The following DOK7 variants were observed in gnomAD, a reference collection of about 807,000 sequenced individuals.
The protein encoded by DOK7 is docking protein 7.
DOK7 carries 32 observed loss-of-function variants against 30.7 expected under a neutral mutation model. The ratio of observed to expected loss-of-function variants is 1.04; its 90% CI spans 0.79 to 1.40. The LOEUF (loss-of-function observed/expected upper bound fraction) is 1.40. Ranked by LOEUF, DOK7 falls within the 40% of genes most tolerant of loss-of-function variation. DOK7 has a pLI of 0.00. For missense variants in DOK7, 1,007 were observed against 699.2 expected (o/e 1.44, Z -4.97); for synonymous variants, 447 against 324.1 (o/e 1.38, Z -4.07).
chr4:3,496,915 T>C (rs1553851206), downstream of DOK7: 7 of 1,164,376 alleles, frequency 6.0e-6, no homozygotes, highest in South Asian at 5.7e-5. Context: ...GGCGGGAGTC[T>C]GGGTGGGCGC....
At chr4:3,481,803 G>A (rs1050811013) in intron 4 of DOK7, among the ~76,000 whole-genome samples, 2 of 152,194 alleles carry the variant, frequency 1.3e-5, no homozygotes, top group Non-Finnish European at 2.9e-5. Context: ...GATCTAATTG[G>A]CTCATTAAAT....
intron 2 of DOK7, among the ~76,000 whole-genome samples, chr4:3,464,851 G>A (rs1726183750): frequency 6.6e-6 from 1 of 152,214 alleles, no homozygotes; most frequent in Non-Finnish European, 1.5e-5. Flanking sequence ...CGGCCGGTGA[G>A]TGCCTGAGTG....
intron 6 of DOK7, among the ~76,000 whole-genome samples, chr4:3,491,289 CCCCCCGCT>C (rs1242452367): frequency 1.2e-5 from 1 of 86,300 alleles, no homozygotes; most frequent in Non-Finnish European, 2.4e-5. Context: ...CTTCCTCCGC[CCCCCCGCT>C]CATTCATTCC....
At chr4:3,500,483 C>T in intron 7 of DOK7, 2 of 1,507,884 alleles carry the variant, frequency 1.3e-6, no homozygotes, top group South Asian at 1.2e-5. Context: ...CCCAGCCCCA[C>T]CCAGCAGCCC....
At chr4:3,464,876 T>C (rs2109315106) in intron 2 of DOK7, among the ~76,000 whole-genome samples, 1 of 152,280 alleles carries the variant, frequency 6.6e-6, no homozygotes, top group East Asian at 1.9e-4. Flanking sequence ...GACAGGAGTT[T>C]GCAATGGGTC....
At chr4:3,471,862 T>C (rs1432126119) in intron 2 of DOK7, among the ~76,000 whole-genome samples, 1 of 152,242 alleles carries the variant, frequency 6.6e-6, no homozygotes, top group Non-Finnish European at 1.5e-5. Flanking sequence ...TTTTTCTAGC[T>C]GTAAACGTTT....
At chr4:3,487,684 G>A (rs747740323) in intron 5 of DOK7, among the ~76,000 whole-genome samples, 16 of 152,322 alleles carry the variant, frequency 1.1e-4, no homozygotes, top group Admixed American at 2.6e-4. Context: ...CTCAGGGGGC[G>A]TGTGGTGGAG....
chr4:3,463,669 C>G, intron 2 of DOK7, 118 bp downstream of exon 2: 1 of 1,335,950 alleles, frequency 7.5e-7, no homozygotes, highest in Non-Finnish European at 1.0e-6. Flanking sequence ...CCGGGAAACC[C>G]GAGAGCCCCG....
rs775604699 is a variant in DOK7, at chr4:3,463,371, A to G, written c.-5A>G. Reference sequence around the variant, plus strand: ...GAGCGCGGCGGCGCGGAACCATGACAGAAGATGACCGAGGCGGCGCTGGTG... The same window carrying G: ...GAGCGCGGCGGCGCGGAACCATGACGGAAGATGACCGAGGCGGCGCTGGTG... On this transcript the variant is annotated 5_prime_UTR_variant, in exon 1 of 7. Transcript: ENST00000340083. The G allele has an allele frequency of 4.7e-6, 7 of 1,483,268 alleles. No individual in the cohort carries two copies. The highest frequency in any genetic ancestry group is 6.2e-6 in the Non-Finnish European group (7 of 1,130,012). The allele number at this position is 1,483,268 out of a possible 1,614,324, so 91.9% of individuals were successfully genotyped here.
At chr4:3,486,988 G>A (rs1192132420) in intron 5 of DOK7, among the ~76,000 whole-genome samples, 4 of 152,112 alleles carry the variant, frequency 2.6e-5, no homozygotes, top group Non-Finnish European at 5.9e-5. Flanking sequence ...GTTTGCCTGG[G>A]ACAGCCACTA....
At position 3,491,256 on chromosome 4, in the gene DOK7, CTCATTCATTCCT is replaced by C. The variant is rs1262304170; in HGVS notation, c.772+1475_773-1477del. Among the ~76,000 whole-genome samples, 79 of 123,132 alleles carry C rather than the reference CTCATTCATTCCT, an allele frequency of 6.4e-4. No homozygotes were observed. In the South Asian group the frequency reaches 7.6e-3, roughly 12 times the overall value. The allele number at this position is 123,132 out of a possible 152,430, so 80.8% of individuals were successfully genotyped here. A position where few individuals can be genotyped will look rare whatever the true frequency, so the allele number is the denominator to read the frequency against. On this transcript the variant is annotated intron_variant, in intron 6 of 6. Coordinates refer to ENST00000340083, the MANE Select transcript of DOK7 (RefSeq NM_173660.5). ...TGCTCTTTCATTCCTTCTCCCCTTG[CTCATTCATTCCT>C]TCATTCATTCCTTCCTCCGCCCCCC...
At chr4:3,498,952 C>T (rs1729058456), downstream of DOK7, among the ~76,000 whole-genome samples, 1 of 152,222 alleles carries the variant, frequency 6.6e-6, no homozygotes, top group Admixed American at 6.5e-5. Context: ...CTGCTGCCTG[C>T]AGAATCAGCG....
chr4:3,495,471 C>A (rs1045442577), downstream of DOK7, among the ~76,000 whole-genome samples: 1 of 152,218 alleles, frequency 6.6e-6, no homozygotes, highest in Non-Finnish European at 1.5e-5. Context: ...CGGGGCTGGG[C>A]CCCTGGACAG....
intron 6 of DOK7, among the ~76,000 whole-genome samples, chr4:3,491,173 A>T (rs1406491995): frequency 1.0e-3 from 39 of 37,840 alleles, no homozygotes; most frequent in African/African-American, 3.5e-3. Flanking sequence ...CCTCCTGCTC[A>T]TTCATTCCTT....
chr4:3,490,396 G>GTCCTTCATTACCCTCCTTCTCATTCAT (rs147752087), intron 6 of DOK7, among the ~76,000 whole-genome samples: 1 of 44,346 alleles, frequency 2.3e-5, no homozygotes, highest in Non-Finnish European at 4.0e-5. Context: ...TGCTCATTCA[G>GTCCTTCATTACCCTCCTTCTCATTCAT]TCCTTCTTTC....
In DOK7 at chr4:3,490,486, A is replaced by T. The variant is rs555525433; in HGVS notation, c.772+690A>T. On this transcript the variant is annotated intron_variant, in intron 6 of 6. Transcript: ENST00000340083. The stretch of plus-strand genomic sequence containing the variant: ...TCCTTTCTTCTCCCTCTGCTCATTC[A>T]TTCCTTCCTTTTCCCCCTGCTCATT... Among the ~76,000 whole-genome samples the T allele has an allele frequency of 1.1e-4, 11 of 100,686 alleles. No homozygotes were observed. In the South Asian group the frequency reaches 2.9e-3, roughly 27 times the overall value. 66.1% of individuals were successfully genotyped at this position (100,686 alleles called of 152,430 possible).
intron 2 of DOK7, among the ~76,000 whole-genome samples, chr4:3,469,588 G>C (rs145076237): frequency 6.6e-6 from 1 of 152,064 alleles, no homozygotes; most frequent in East Asian, 1.9e-4. Context: ...CCTGGCGCCC[G>C]GGGAGCTGGC....
rs371172914 is a variant in DOK7 at position 3,493,324 on chromosome 4, G to A, written c.1338G>A (p.Trp446Ter). 1.2e-6 allele frequency: 2 copies of A among 1,603,394 alleles called. No homozygotes were observed. Among genetic ancestry groups the A allele is most frequent in the South Asian group, 2.2e-5 (2 of 90,008 alleles). Reference protein sequence around the residue: ...GQTSAGCPSGWLGTRRRGLVM... With the variant: ...GQTSAGCPSG ...CGTCCGCCGGGTGTCCCTCTGGCTG[G>A]CTGGGCACGAGACGGCGGGGCCTGG... The change falls in exon 7 of 7, where the codon TGG becomes TGA. Residue 446 changes from tryptophan to a stop codon, truncating the protein, a stop_gained. Transcript: ENST00000340083. LOFTEE classifies it low-confidence loss of function (END_TRUNC).
At chr4:3,465,174 T>G (rs1320742429) in intron 2 of DOK7, among the ~76,000 whole-genome samples, 1 of 152,198 alleles carries the variant, frequency 6.6e-6, no homozygotes, top group Non-Finnish European at 1.5e-5. Context: ...ACTGACACCC[T>G]GTGGGGTTGC....
Sources: allele counts gnomAD v4.1 joint callset (sites outside exome capture counted in the v4.1 genomes callset), GRCh38; gene constraint gnomAD v4.1.1; transcripts MANE v1.5; gene names NCBI Gene and HGNC (gene_info 2026-07-23, HGNC 2026-07-21).